Variants in GNG4 observed in about 807,000 individuals in gnomAD.
GNG4 encodes the protein guanine nucleotide-binding protein G(I)/G(S)/G(O) subunit gamma-4.
Under a neutral mutation model 5.8 loss-of-function variants are expected in GNG4, and 4 were observed. That is an observed-to-expected ratio of 0.69 (90% CI 0.34 to 1.57). The LOEUF is 1.57. GNG4 is among the 40% of genes most tolerant of loss of function. The pLI is 0.06. For missense variants in GNG4, 96 were observed against 95.1 expected (o/e 1.01, Z -0.04); for synonymous variants, 29 against 32.9 (o/e 0.88, Z 0.41).
At chr1:235,620,694 C>T (rs893593466) in intron 1 of GNG4, among the ~76,000 whole-genome samples, 1 of 152,154 alleles carries the variant, frequency 6.6e-6, no homozygotes, top group African/African-American at 2.4e-5. Context: ...CGCCACCACG[C>T]CCAGCTAAGT....
intron 1 of GNG4, among the ~76,000 whole-genome samples, chr1:235,611,846 T>C (rs573488331): frequency 6.6e-6 from 1 of 152,116 alleles, no homozygotes; most frequent in East Asian, 1.9e-4. Context: ...GAGGATCGCT[T>C]GAGTCCAGGA....
intron 1 of GNG4, among the ~76,000 whole-genome samples, chr1:235,624,746 C>T (rs926054600): frequency 6.6e-6 from 1 of 152,134 alleles, no homozygotes; most frequent in Non-Finnish European, 1.5e-5. Flanking sequence ...TTTTTTAGCG[C>T]TAAGACAGAT....
chr1:235,585,693 G>A (rs982608238), intron 2 of GNG4, among the ~76,000 whole-genome samples: 3 of 151,988 alleles, frequency 2.0e-5, no homozygotes, highest in Admixed American at 6.6e-5. Flanking sequence ...ATATATTTAC[G>A]GGCATTTACA....
At chr1:235,573,773 T>C (rs1687410038) in intron 3 of GNG4, among the ~76,000 whole-genome samples, 1 of 151,580 alleles carries the variant, frequency 6.6e-6, no homozygotes, top group African/African-American at 2.4e-5. Flanking sequence ...TGAGATTCCA[T>C]CTCAAAAAAA....
chr1:235,554,713 C>T (rs1038107175), intron 3 of GNG4, among the ~76,000 whole-genome samples: 3 of 151,962 alleles, frequency 2.0e-5, no homozygotes, highest in Non-Finnish European at 4.4e-5. Flanking sequence ...GGCGTGGTGG[C>T]GGGTGCCTGT....
intron 3 of GNG4, among the ~76,000 whole-genome samples, chr1:235,574,587 T>C (rs963071723): frequency 6.6e-6 from 1 of 152,186 alleles, no homozygotes; most frequent in Non-Finnish European, 1.5e-5. Context: ...TGGTTTTAAA[T>C]AAATTATCAA....
intron 1 of GNG4, among the ~76,000 whole-genome samples, chr1:235,605,369 T>G (rs1443422026): frequency 1.3e-5 from 2 of 152,226 alleles, no homozygotes; most frequent in African/African-American, 4.8e-5. Flanking sequence ...ATTTGTATTT[T>G]TAGTCGAGAT....
At chr1:235,615,232 G>C (rs542140655) in intron 1 of GNG4, 1 of 152,410 alleles carries the variant, frequency 6.6e-6, no homozygotes, top group African/African-American at 2.4e-5. Context: ...GCGAGCAGAA[G>C]AGTCAGTGTC....
intron 1 of GNG4, among the ~76,000 whole-genome samples, chr1:235,634,121 G>A (rs1248248916): frequency 6.6e-6 from 1 of 152,172 alleles, no homozygotes; most frequent in Admixed American, 6.5e-5. Flanking sequence ...TGAGGGATCA[G>A]CTAGTCTCAA....
rs1228119403 is a variant in GNG4 at position 235,644,734 on chromosome 1, G to GGGGCC, written c.-123+4927_-123+4928insGGCCC. Among the ~76,000 whole-genome samples the GGGGCC allele has an allele frequency of 6.6e-6, 1 of 152,250 alleles. No individual in the cohort carries two copies. Among genetic ancestry groups the GGGGCC allele is most frequent in the African/African-American group, 2.4e-5 (1 of 41,464 alleles). ...ACTCATGCTCGTTTAGTCGGCCACA[G>GGGGCC]GCTAGGGGCAGCGGAAAGGCCCTGC... On this transcript the variant is annotated intron_variant, in intron 1 of 3. Transcript: ENST00000391854. This position sits in a 1 kb window ranked among gnomAD's most constrained non-coding sequence, Gnocchi z 5.9.
chr1:235,573,506 G>A (rs1347310052), intron 3 of GNG4, among the ~76,000 whole-genome samples: 6 of 151,966 alleles, frequency 3.9e-5, no homozygotes, highest in African/African-American at 1.2e-4. Flanking sequence ...GGCCCGGTGC[G>A]GTAGCTCACA....
At chr1:235,587,928 C>T (rs1489642210) in intron 2 of GNG4, among the ~76,000 whole-genome samples, 1 of 95,096 alleles carries the variant, frequency 1.1e-5, no homozygotes, top group Non-Finnish European at 2.2e-5. Flanking sequence ...AAGTGTGAGT[C>T]CTTGAGGATG....
In GNG4 at chr1:235,558,268, C is replaced by G. The variant is rs200828770; in HGVS notation, c.100-6031G>C. ...AACACTGTGAAGAATGGCCCACTTACGCACAGCTGCATCTAATACAGCATA... is the reference window on the plus strand; with the variant it reads ...AACACTGTGAAGAATGGCCCACTTAGGCACAGCTGCATCTAATACAGCATA... On this transcript the variant is annotated intron_variant, in intron 3 of 3. Coordinates refer to ENST00000391854, the MANE Select transcript of GNG4 (RefSeq NM_001098722.2). Among the ~76,000 whole-genome samples the G allele has an allele frequency of 1.6e-4, 24 of 152,270 alleles. No individual in the cohort carries two copies. The East Asian group carries it at 2.7e-3, about 17-fold the overall frequency.
chr1:235,590,242 G>A (rs934159442), intron 2 of GNG4, among the ~76,000 whole-genome samples: 14 of 152,104 alleles, frequency 9.2e-5, no homozygotes, highest in Non-Finnish European at 1.8e-4. Context: ...ATCACCTGAG[G>A]TTAGGAGTTT....
At chr1:235,575,463 T>C (rs1029506348) in intron 3 of GNG4, among the ~76,000 whole-genome samples, 10 of 152,222 alleles carry the variant, frequency 6.6e-5, no homozygotes, top group African/African-American at 2.4e-4. Flanking sequence ...CCTGCACTCA[T>C]GTTTTCAGTA....
rs559589696 is a variant in GNG4, at chr1:235,622,071, C to A, written c.-122-26560G>T. 2.4e-4 allele frequency among the ~76,000 whole-genome samples: 37 copies of A among 152,218 alleles called. 1 individual carries two copies. Among genetic ancestry groups the A allele is most frequent in the African/African-American group, 8.9e-4 (37 of 41,544 alleles). ...TGGACTGTAAATGATTTGTAAGATT[C>A]TATAAATAAAGCTATATTCTATAAA... On this transcript the variant is annotated intron_variant, in intron 1 of 3. Coordinates refer to ENST00000391854, the MANE Select transcript of GNG4 (RefSeq NM_001098722.2).
chr1:235,594,105 A>G (rs1396301453), intron 2 of GNG4, among the ~76,000 whole-genome samples: 1 of 152,160 alleles, frequency 6.6e-6, no homozygotes, highest in Non-Finnish European at 1.5e-5. Flanking sequence ...AGCTAGACAC[A>G]AAAGTTCTCC....
chr1:235,605,106 T>C (rs750721194), intron 1 of GNG4, among the ~76,000 whole-genome samples: 40 of 152,218 alleles, frequency 2.6e-4, no homozygotes, highest in Middle Eastern at 3.4e-3. Flanking sequence ...GAGAACCCCA[T>C]ATCATTCATT....
At chr1:235,608,237 G>A (rs1288982922) in intron 1 of GNG4, among the ~76,000 whole-genome samples, 2 of 152,032 alleles carry the variant, frequency 1.3e-5, no homozygotes, top group Non-Finnish European at 2.9e-5. Flanking sequence ...CACCTGGCCA[G>A]GAAATGCTGT....
Sources: allele counts gnomAD v4.1 joint callset (sites outside exome capture counted in the v4.1 genomes callset), GRCh38; gene constraint gnomAD v4.1.1; non-coding constraint Gnocchi (gnomAD v3.1); transcripts MANE v1.5; gene names NCBI Gene and HGNC (gene_info 2026-07-23, HGNC 2026-07-21).